Variants in PLCH1 observed in about 807,000 individuals in gnomAD.
PLCH1 encodes phospholipase C eta 1.
A neutral mutation model predicts 126.7 loss-of-function variants in PLCH1; 60 were observed. That is an observed-to-expected ratio of 0.47 (90% CI 0.38 to 0.59). The LOEUF is 0.59. Among genes scored for constraint, PLCH1 ranks in the 20% least tolerant of loss-of-function variants. PLCH1 has a pLI of 0.00. For synonymous variants in PLCH1, 719 were observed against 734.9 expected, an observed-to-expected ratio of 0.98 and a Z score of 0.35; for missense variants, 1,723 against 2,040.0, an observed-to-expected ratio of 0.84 and a Z score of 2.99.
At chr3:155,717,493 G>C (rs1041781006) in intron 1 of PLCH1, among the ~76,000 whole-genome samples, 1 of 152,226 alleles carries the variant, frequency 6.6e-6, no homozygotes, top group African/African-American at 2.4e-5. Context: ...TATCTAGGGG[G>C]AGGCTACCAA....
At chr3:155,550,355 C>T (rs359543) in intron 9 of PLCH1, among the ~76,000 whole-genome samples, 139,167 of 152,088 alleles carry the variant, frequency 0.92, 64,302 homozygotes, top group Middle Eastern at 0.98. Context: ...TAAGAGACCA[C>T]TGAATGTCAT....
chr3:155,468,746 A>G (rs1031013980), intron 21 of PLCH1, among the ~76,000 whole-genome samples: 1 of 152,222 alleles, frequency 6.6e-6, no homozygotes, highest in Non-Finnish European at 1.5e-5. Flanking sequence ...TAAACACTTA[A>G]CAAAGGAGCA....
At chr3:155,604,137 T>C (rs1000160398) in intron 2 of PLCH1, among the ~76,000 whole-genome samples, 8 of 152,024 alleles carry the variant, frequency 5.3e-5, no homozygotes, top group Non-Finnish European at 1.0e-4. Context: ...GAAGCCATTA[T>C]CTGTGAAGAG....
At chr3:155,544,525 C>T (rs1724904752) in intron 10 of PLCH1, among the ~76,000 whole-genome samples, 1 of 152,174 alleles carries the variant, frequency 6.6e-6, no homozygotes. Context: ...GTCAGCTCTG[C>T]ACCAAGCGGA....
chr3:155,479,237 C>A (rs929160646), downstream of PLCH1, among the ~76,000 whole-genome samples: 1 of 152,096 alleles, frequency 6.6e-6, no homozygotes, highest in African/African-American at 2.4e-5. Flanking sequence ...AACAAGGATA[C>A]CTTAAAAACA....
chr3:155,458,536 A>AG (rs1416417989), intron 21 of PLCH1, among the ~76,000 whole-genome samples: 24 of 144,914 alleles, frequency 1.7e-4, no homozygotes, highest in African/African-American at 6.3e-4. Flanking sequence ...GAAAGAAAGA[A>AG]AAAGAAAAAG....
chr3:155,543,360 C>T (rs1021685066), intron 10 of PLCH1, among the ~76,000 whole-genome samples: 5 of 152,166 alleles, frequency 3.3e-5, no homozygotes, highest in Admixed American at 1.3e-4. Flanking sequence ...AAGAAATGAA[C>T]AAAGCCTCCA....
At chr3:155,721,996 G>A (rs1484951822) in intron 1 of PLCH1, among the ~76,000 whole-genome samples, 3 of 152,044 alleles carry the variant, frequency 2.0e-5, no homozygotes, top group East Asian at 3.9e-4. Context: ...GTACTGAGCC[G>A]AGATCGTGGC....
At chr3:155,631,173 T>C (rs1737978531) in intron 2 of PLCH1, among the ~76,000 whole-genome samples, 1 of 152,178 alleles carries the variant, frequency 6.6e-6, no homozygotes, top group East Asian at 1.9e-4. Context: ...CTCGGTATTT[T>C]GGTAATTTCA....
At chr3:155,537,318 A>G (rs904140002) in intron 10 of PLCH1, among the ~76,000 whole-genome samples, 2 of 148,698 alleles carry the variant, frequency 1.3e-5, no homozygotes, top group Admixed American at 6.7e-5. Context: ...CACAGGGCCT[A>G]TAAAACAATA....
At chr3:155,547,894 T>C (rs1233902020) in intron 10 of PLCH1, among the ~76,000 whole-genome samples, 2 of 58,868 alleles carry the variant, frequency 3.4e-5, no homozygotes, top group Non-Finnish European at 6.0e-5. Flanking sequence ...TGTTGTGGGG[T>C]GGGGGGAGGG....
chr3:155,541,425 G>T (rs1408692614), intron 10 of PLCH1, among the ~76,000 whole-genome samples: 2 of 152,138 alleles, frequency 1.3e-5, no homozygotes, highest in African/African-American at 4.8e-5. Flanking sequence ...CATGTGAGTT[G>T]CCTTTCACTT....
intron 6 of PLCH1, among the ~76,000 whole-genome samples, chr3:155,579,894 TTC>T (rs772390671): frequency 1.5e-4 from 22 of 147,204 alleles, no homozygotes; most frequent in Non-Finnish European, 1.7e-4. Context: ...CTGTCTCTCT[TTC>T]TCTCTCTCTC....
At chr3:155,601,346 T>C (rs1011134376) in intron 2 of PLCH1, among the ~76,000 whole-genome samples, 1 of 152,130 alleles carries the variant, frequency 6.6e-6, no homozygotes, top group African/African-American at 2.4e-5. Context: ...AGCAGTTTAA[T>C]ATAAGTAAAT....
chr3:155,615,440 A>G (rs941164253), intron 2 of PLCH1, among the ~76,000 whole-genome samples: 5 of 152,202 alleles, frequency 3.3e-5, no homozygotes, highest in Admixed American at 2.0e-4. Flanking sequence ...CTGGATGTCT[A>G]CCCAGAGAAA....
chr3:155,704,980 C>T (rs1746549458), intron 1 of PLCH1, among the ~76,000 whole-genome samples: 1 of 152,178 alleles, frequency 6.6e-6, no homozygotes, highest in Non-Finnish European at 1.5e-5. Context: ...AATTAAATTC[C>T]TCCAAAAGCT....
At chr3:155,546,421 C>T (rs1725291484) in intron 10 of PLCH1, among the ~76,000 whole-genome samples, 1 of 152,186 alleles carries the variant, frequency 6.6e-6, no homozygotes, top group Non-Finnish European at 1.5e-5. Flanking sequence ...ATTCCATGCT[C>T]ATGGGTAGGA....
chr3:155,537,619 CTTTAA>C (rs1345581929), intron 10 of PLCH1, among the ~76,000 whole-genome samples: 21 of 152,156 alleles, frequency 1.4e-4, no homozygotes, highest in African/African-American at 5.1e-4. Context: ...ACAAAACAAA[CTTTAA>C]AGCAACAGCA....
intron 9 of PLCH1, among the ~76,000 whole-genome samples, chr3:155,552,891 G>A (rs1018214330): frequency 1.3e-5 from 2 of 152,152 alleles, no homozygotes; most frequent in Non-Finnish European, 2.9e-5. Flanking sequence ...GCCAAGAATT[G>A]GTTGAGTCTA....
Sources: allele counts gnomAD v4.1 joint callset (sites outside exome capture counted in the v4.1 genomes callset), GRCh38; gene constraint gnomAD v4.1.1; transcripts MANE v1.5; gene names NCBI Gene and HGNC (gene_info 2026-07-23, HGNC 2026-07-21).